MINK1: variants seen among roughly 807,000 people sequenced by gnomAD.
MINK1 encodes the protein misshapen-like kinase 1.
MINK1 carries 46 observed loss-of-function variants against 178.4 expected under a neutral mutation model. The ratio of observed to expected loss-of-function variants is 0.26; its 90% CI spans 0.20 to 0.33. The LOEUF (loss-of-function observed/expected upper bound fraction) is 0.33, where lower values mean the gene tolerates loss of function less well. Among genes scored for constraint, MINK1 ranks in the 10% least tolerant of loss-of-function variants. The pLI, the probability that MINK1 is intolerant of heterozygous loss-of-function variation, is 1.00. For synonymous variants in MINK1, 797 were observed against 709.7 expected, an observed-to-expected ratio of 1.12 and a Z score of -1.96; for missense variants, 1,366 against 1,814.9, an observed-to-expected ratio of 0.75 and a Z score of 4.49.
At chr17:4,876,416 C>T (rs1967189202) in intron 1 of MINK1, among the ~76,000 whole-genome samples, 2 of 152,210 alleles carry the variant, frequency 1.3e-5, no homozygotes, top group Admixed American at 1.3e-4. Context: ...TCTCCGCTCT[C>T]CAGCTCCTCT....
Position 4,892,435 on chromosome 17 carries a change from G to A in MINK1, c.2121G>A (p.Leu707=). 6.4e-7 allele frequency: 1 copy of A among 1,557,034 alleles called. No individual in the cohort carries two copies. Among genetic ancestry groups the A allele is most frequent in the Non-Finnish European group, 8.7e-7 (1 of 1,154,284 alleles). Residue 707 remains leucine (L), a synonymous_variant, in exon 18 of 32, where the codon CTG becomes CTA. Coordinates refer to ENST00000355280, the MANE Select transcript of MINK1 (RefSeq NM_153827.5). ...GCAACTCCGCCTGGCAAATCTATCTGCAAAGGCGGGCAGAGCGGGGCACCC... is the reference window on the plus strand; with the variant it reads ...GCAACTCCGCCTGGCAAATCTATCTACAAAGGCGGGCAGAGCGGGGCACCC... ...PRSNSAWQIY[L]QRRAERGTPK... is the part of the protein sequence containing the mutation.
intron 1 of MINK1, among the ~76,000 whole-genome samples, chr17:4,835,277 G>T (rs1909139962): frequency 6.6e-6 from 1 of 152,126 alleles, no homozygotes; most frequent in Non-Finnish European, 1.5e-5. Context: ...TCCTACCTTG[G>T]TTATTGATTA....
At chr17:4,874,271 G>T (rs1966966745) in intron 1 of MINK1, among the ~76,000 whole-genome samples, 1 of 152,224 alleles carries the variant, frequency 6.6e-6, no homozygotes, top group African/African-American at 2.4e-5. Flanking sequence ...AATGAAATGA[G>T]ATACGATTGC....
In MINK1 at chr17:4,893,585, C is replaced by A. The variant is rs768424348; in HGVS notation, c.2552C>A (p.Thr851Asn). 2 of 1,542,212 alleles carry A rather than the reference C, an allele frequency of 1.3e-6. No individual in the cohort carries two copies. Among genetic ancestry groups the A allele is most frequent in the Admixed American group, 2.0e-5 (1 of 50,074 alleles). The change falls in exon 21 of 32, where the codon ACC (threonine) becomes AAC (asparagine). Residue 851 changes from threonine to asparagine, a missense_variant. By Grantham distance (65) the Thr-to-Asn change is moderately conservative. This residue lies in a region of MINK1 where 709 missense variants were observed against 692.3 expected (regional missense o/e 1.02). Coordinates refer to ENST00000355280, the MANE Select transcript of MINK1 (RefSeq NM_153827.5). ...GGGCCAGCAGAGGGGAGCAGAGATA[C>A]CCCTGGGGGCCGGTACGGCATCGGG... ...EGGPAEGSRD[T>N]PGGRSDGDTD... is the part of the protein sequence containing the mutation.
chr17:4,881,398 C>G (rs1967688951), intron 4 of MINK1, 141 bp downstream of exon 4: 2 of 913,352 alleles, frequency 2.2e-6, no homozygotes, highest in African/African-American at 1.7e-5. Context: ...TGTCCCTGGA[C>G]CCAGAGGGGC....
intron 1 of MINK1, among the ~76,000 whole-genome samples, chr17:4,876,234 G>C (rs897065143): frequency 2.6e-5 from 4 of 152,196 alleles, no homozygotes; most frequent in African/African-American, 9.7e-5. Flanking sequence ...TCCCGAGCAG[G>C]CTGGGCTGTT....
intron 1 of MINK1, among the ~76,000 whole-genome samples, chr17:4,863,294 T>C (rs1043423714): frequency 1.6e-4 from 24 of 152,194 alleles, no homozygotes; most frequent in Non-Finnish European, 1.5e-5. Context: ...CTGTGTACAG[T>C]GTGGCCACTC....
intron 1 of MINK1, chr17:4,871,121 T>C: frequency 3.4e-6 from 1 of 296,426 alleles, no homozygotes; most frequent in Non-Finnish European, 7.3e-6. Flanking sequence ...GTCTTCAAGG[T>C]TCATCCATGT....
chr17:4,892,806 G>A lies in MINK1; in HGVS notation c.2311+38G>A, dbSNP rs1446240388. 6 of 1,549,338 alleles carry A rather than the reference G, an allele frequency of 3.9e-6. No individual in the cohort carries two copies. In the African/African-American group the frequency reaches 6.8e-5, roughly 18 times the overall value. On this transcript the variant is annotated intron_variant, in intron 19 of 31. Coordinates refer to ENST00000355280, the MANE Select transcript of MINK1 (RefSeq NM_153827.5). Reference sequence around the variant, plus strand: ...GGGCTGGGCAGCCTGCTCTGGGCCTGGGGGCTTATCACCATGGACCCTGCC... The same window carrying A: ...GGGCTGGGCAGCCTGCTCTGGGCCTAGGGGCTTATCACCATGGACCCTGCC...
chr17:4,854,770 G>A (rs757514719), intron 1 of MINK1: 89 of 495,262 alleles, frequency 1.8e-4, no homozygotes, highest in South Asian at 6.4e-4. Flanking sequence ...TCGATAGACA[G>A]AGGACAAGTA....
intron 1 of MINK1, among the ~76,000 whole-genome samples, chr17:4,867,987 A>G (rs1362395664): frequency 7.4e-6 from 1 of 135,188 alleles, no homozygotes; most frequent in African/African-American, 2.7e-5. Flanking sequence ...TTTTTTTTTT[A>G]ATATCTTTAG....
chr17:4,848,509 T>A (rs1050600672), intron 1 of MINK1, among the ~76,000 whole-genome samples: 2 of 152,190 alleles, frequency 1.3e-5, no homozygotes, highest in African/African-American at 4.8e-5. Flanking sequence ...TACAGGCACC[T>A]GCCACCACAC....
rs1453307812 is a variant in MINK1, at chr17:4,891,689, C to T, written c.1974C>T (p.Val658=). ...CCAGCCCGAATCCCCCAGCCTGGGT[C>T]CGCCCAGATAACGAGGCCCCACCCA... ...PGPSPNPPAW[V]RPDNEAPPKV... is the part of the protein sequence containing the mutation. Residue 658 remains valine (V), a synonymous_variant, in exon 16 of 32, where the codon GTC becomes GTT. Coordinates refer to ENST00000355280, the MANE Select transcript of MINK1 (RefSeq NM_153827.5). 5.6e-6 allele frequency: 9 copies of T among 1,602,662 alleles called. No homozygotes were observed. The highest frequency in any genetic ancestry group is 6.8e-6 in the Non-Finnish European group (8 of 1,175,348).
intron 17 of MINK1, 69 bp from the exon 18 acceptor site, chr17:4,892,333 G>GA (rs1968915875): frequency 6.8e-7 from 1 of 1,467,516 alleles, no homozygotes; most frequent in Admixed American, 2.1e-5. Context: ...CTGGGGGTGG[G>GA]AAAGCCCCAG....
At position 4,887,054 on chromosome 17, in the gene MINK1, G is replaced by A; in HGVS notation, c.950-56G>A. The A allele has an allele frequency of 6.5e-7, 1 of 1,537,746 alleles. No homozygotes were observed. The highest frequency in any genetic ancestry group is 8.8e-7 in the Non-Finnish European group (1 of 1,134,136). On this transcript the variant is annotated intron_variant, in intron 10 of 31. Transcript: ENST00000355280. This position sits in a 1 kb window ranked among gnomAD's most constrained non-coding sequence, Gnocchi z 7.6. ...GTTATCCCCACCCAAGGTTTCCCTA[G>A]CCCACGGCGGGTCTGGGGCGCTGGG...
Position 4,894,989 on chromosome 17 carries a change from C to T in MINK1, c.2918-86C>T. The T allele has an allele frequency of 7.1e-7, 1 of 1,417,580 alleles. No individual in the cohort carries two copies. The highest frequency in any genetic ancestry group is 1.2e-5 in the South Asian group (1 of 80,254). 87.8% of individuals were successfully genotyped at this position (1,417,580 alleles called of 1,614,324 possible). A position where few individuals can be genotyped will look rare whatever the true frequency, so the allele number is the denominator to read the frequency against. ...CCTCCTTTCTGCGTATTATGAGGTGCCAAGACCTGATATAGGGGATGGAGG... is the reference window on the plus strand; with the variant it reads ...CCTCCTTTCTGCGTATTATGAGGTGTCAAGACCTGATATAGGGGATGGAGG... On this transcript the variant is annotated intron_variant, in intron 24 of 31. Transcript: ENST00000355280. This position sits in a 1 kb window ranked among gnomAD's most constrained non-coding sequence, Gnocchi z 4.1.
chr17:4,890,912 G>C, intron 14 of MINK1, 39 bp from the exon 15 acceptor site: 3 of 1,551,268 alleles, frequency 1.9e-6, no homozygotes, highest in Non-Finnish European at 2.6e-6. Context: ...AGAACAGGGA[G>C]GCAAGAGCTG....
chr17:4,841,769 G>A (rs980139756), intron 1 of MINK1, among the ~76,000 whole-genome samples: 1 of 152,014 alleles, frequency 6.6e-6, no homozygotes, highest in Non-Finnish European at 1.5e-5. Context: ...GTCTGTGACT[G>A]GACCTTTCCT....
chr17:4,895,654 C>G lies in MINK1; in HGVS notation c.3230-44C>G. On this transcript the variant is annotated intron_variant, in intron 26 of 31. Coordinates refer to ENST00000355280, the MANE Select transcript of MINK1 (RefSeq NM_153827.5). This position sits in a 1 kb window ranked among gnomAD's most constrained non-coding sequence, Gnocchi z 4.3. ...GGCCAGGGCGGTGGCATTCGGGCCTCAGATGAGAATGGGGGCGGGTGTGTA... is the reference window on the plus strand; with the variant it reads ...GGCCAGGGCGGTGGCATTCGGGCCTGAGATGAGAATGGGGGCGGGTGTGTA... 6.2e-7 allele frequency: 1 copy of G among 1,603,450 alleles called. No homozygotes were observed. Among genetic ancestry groups the G allele is most frequent in the Non-Finnish European group, 8.5e-7 (1 of 1,173,392 alleles).
Sources: allele counts gnomAD v4.1 joint callset (sites outside exome capture counted in the v4.1 genomes callset), GRCh38; gene constraint gnomAD v4.1.1; regional missense constraint gnomAD v4.1.1; non-coding constraint Gnocchi (gnomAD v3.1); transcripts MANE v1.5; gene names NCBI Gene and HGNC (gene_info 2026-07-23, HGNC 2026-07-21).